Variants in NDFIP1 observed in about 807,000 individuals in gnomAD.
The protein encoded by NDFIP1 is Nedd4 family interacting protein 1.
Under a neutral mutation model 28.8 loss-of-function variants are expected in NDFIP1, and 7 were observed. That is an observed-to-expected ratio of 0.24 (90% CI 0.14 to 0.46). The LOEUF is 0.46. Among genes scored for constraint, NDFIP1 ranks in the 20% least tolerant of loss-of-function variants. The pLI is 0.99. For missense variants in NDFIP1, 194 were observed against 269.1 expected, an observed-to-expected ratio of 0.72 and a Z score of 1.95; for synonymous variants, 92 against 101.0, an observed-to-expected ratio of 0.91 and a Z score of 0.53.
intron 7 of NDFIP1, among the ~76,000 whole-genome samples, chr5:142,150,408 A>G (rs1192906475): frequency 1.3e-5 from 2 of 151,862 alleles, no homozygotes; most frequent in Admixed American, 1.3e-4. Flanking sequence ...ATGTCCTTGT[A>G]TCAGTTTCAG....
chr5:142,108,900 G>C lies in NDFIP1; in HGVS notation c.-75G>C. 1 of 1,288,660 alleles carries C rather than the reference G, an allele frequency of 7.8e-7. No homozygotes were observed. Among genetic ancestry groups the C allele is most frequent in the Non-Finnish European group, 9.9e-7 (1 of 1,005,398 alleles). The allele number at this position is 1,288,660 out of a possible 1,614,324, so 79.8% of individuals were successfully genotyped here. On this transcript the variant is annotated 5_prime_UTR_variant, in exon 1 of 8. Transcript: ENST00000253814. ...GGCGCGTCCCCCTCGGCCTCCCAGC[G>C]CTCCCAAGCCGCAGCGGCCGCGCCC...
At chr5:142,109,734 G>A (rs933363521) in intron 1 of NDFIP1, among the ~76,000 whole-genome samples, 1 of 152,186 alleles carries the variant, frequency 6.6e-6, no homozygotes, top group African/African-American at 2.4e-5. Context: ...GGGAGGAAAT[G>A]TATAGGAAAT....
At chr5:142,121,673 C>T (rs1227671416) in intron 1 of NDFIP1, among the ~76,000 whole-genome samples, 1 of 152,202 alleles carries the variant, frequency 6.6e-6, no homozygotes, top group East Asian at 1.9e-4. Flanking sequence ...ACCTGCTGTT[C>T]TCCTCTCCTG....
At chr5:142,140,971 A>G (rs1302643389) in intron 6 of NDFIP1, among the ~76,000 whole-genome samples, 2 of 152,066 alleles carry the variant, frequency 1.3e-5, no homozygotes, top group African/African-American at 4.8e-5. Flanking sequence ...TCAAACCAGA[A>G]TTGCTTATAC....
intron 1 of NDFIP1, among the ~76,000 whole-genome samples, chr5:142,120,986 G>C (rs1209097995): frequency 6.6e-6 from 1 of 152,202 alleles, no homozygotes; most frequent in African/African-American, 2.4e-5. Context: ...TAATGAGCAA[G>C]CATAGCTTTT....
At position 142,153,195 on chromosome 5, in the gene NDFIP1, C is replaced by G. The variant is rs892682108; in HGVS notation, c.*1467C>G. 2.3e-6 allele frequency: 1 copy of G among 438,034 alleles called. No individual in the cohort carries two copies. The highest frequency in any genetic ancestry group is 4.6e-6 in the Non-Finnish European group (1 of 218,622). The allele number at this position is 438,034 out of a possible 1,614,324, so 27.1% of individuals were successfully genotyped here. A position where few individuals can be genotyped will look rare whatever the true frequency, so the allele number is the denominator to read the frequency against. On this transcript the variant is annotated 3_prime_UTR_variant, in exon 8 of 8. Transcript: ENST00000253814. ...TGAAATTAAAGATTCCTCATTTCTC[C>G]TGATTTCTATTCTTGTCTCAATCTT...
chr5:142,132,324 C>A lies in NDFIP1; in HGVS notation c.264C>A (p.Ile88=), dbSNP rs73287051. 6.1e-4 allele frequency: 977 copies of A among 1,613,848 alleles called. 3 individuals are homozygous for A. The African/African-American group carries it at 0.011, about 18-fold the overall frequency. Residue 88 remains isoleucine, a synonymous_variant, in exon 3 of 8, where the codon ATC becomes ATA. Transcript: ENST00000253814. ...AGAGGACCAAGGCTGAAGCTACTAT[C>A]CCTTTGGTTCCTGGGAGAGTGAGTA... ...EAERTKAEAT[I]PLVPGRDEDF...
At chr5:142,135,612 C>A in intron 3 of NDFIP1, 118 bp from the exon 4 acceptor site, 1 of 745,524 alleles carries the variant, frequency 1.3e-6, no homozygotes, top group Non-Finnish European at 2.3e-6. Context: ...GCCTTTAATG[C>A]TCATAATTTT....
In NDFIP1 at chr5:142,152,987, A is replaced by C. The variant is rs1757463157; in HGVS notation, c.*1259A>C. Reference sequence around the variant, plus strand: ...TTGAACATTGGTTCTGTAAAAGATAATGGACTAAAAAAGTAGAGAGGAGTT... The same window carrying C: ...TTGAACATTGGTTCTGTAAAAGATACTGGACTAAAAAAGTAGAGAGGAGTT... On this transcript the variant is annotated 3_prime_UTR_variant, in exon 8 of 8. Transcript: ENST00000253814. 1 of 290,502 alleles carries C rather than the reference A, an allele frequency of 3.4e-6. No individual in the cohort carries two copies. The highest frequency in any genetic ancestry group is 4.7e-5 in the Admixed American group (1 of 21,208). 18.0% of individuals were successfully genotyped at this position (290,502 alleles called of 1,614,324 possible).
At chr5:142,131,385 G>C (rs1267602644) in intron 1 of NDFIP1, among the ~76,000 whole-genome samples, 1 of 151,676 alleles carries the variant, frequency 6.6e-6, no homozygotes, top group East Asian at 1.9e-4. Flanking sequence ...AACGATTCTT[G>C]TGCCTCAGCC....
At chr5:142,110,434 T>C (rs1757002072) in intron 1 of NDFIP1, among the ~76,000 whole-genome samples, 1 of 152,222 alleles carries the variant, frequency 6.6e-6, no homozygotes, top group African/African-American at 2.4e-5. Context: ...TCATCCTGAC[T>C]TGGATAAGGC....
intron 1 of NDFIP1, among the ~76,000 whole-genome samples, chr5:142,121,202 C>A (rs567511852): frequency 1.3e-5 from 2 of 152,172 alleles, no homozygotes; most frequent in African/African-American, 4.8e-5. Flanking sequence ...ATAAGTTTTC[C>A]TTCATATATA....
chr5:142,143,833 C>T (rs1280275564), intron 6 of NDFIP1: 3 of 152,152 alleles, frequency 2.0e-5, no homozygotes, highest in Non-Finnish European at 4.4e-5. Flanking sequence ...AGACCCCTAT[C>T]TCTACAGAAA....
At chr5:142,128,098 G>A (rs1034971341) in intron 1 of NDFIP1, among the ~76,000 whole-genome samples, 3 of 152,120 alleles carry the variant, frequency 2.0e-5, no homozygotes, top group Non-Finnish European at 2.9e-5. Context: ...ACATCTCTGT[G>A]CACTGAGAGC....
Position 142,112,345 on chromosome 5 carries a change from A to G in NDFIP1, c.63+3308A>G, listed in dbSNP as rs575734270. Among the ~76,000 whole-genome samples the G allele has an allele frequency of 1.2e-4, 18 of 151,956 alleles. No individual in the cohort carries two copies. The South Asian group carries it at 3.3e-3, about 28-fold the overall frequency. On this transcript the variant is annotated intron_variant, in intron 1 of 7. Transcript: ENST00000253814. ...TGTTTCAGTGAACTGAGATCGTGCC[A>G]CTGCACTCCTGCCTGGCGACAGAGC... is the stretch of plus-strand genomic sequence containing the variant.
intron 6 of NDFIP1, chr5:142,142,940 A>ATATATATATAT (rs1554092158): frequency 2.6e-5 from 1 of 38,150 alleles, no homozygotes; most frequent in African/African-American, 1.3e-4. Context: ...AAAAAAAAAA[A>ATATATATATAT]ATATATATAT....
At chr5:142,109,322 C>T (rs1003608959) in intron 1 of NDFIP1, among the ~76,000 whole-genome samples, 9 of 152,204 alleles carry the variant, frequency 5.9e-5, no homozygotes, top group African/African-American at 2.2e-4. Context: ...TCAGAACCCG[C>T]GACCCACAGG....
intron 1 of NDFIP1, among the ~76,000 whole-genome samples, chr5:142,113,401 G>T (rs1404110934): frequency 6.6e-6 from 1 of 152,112 alleles, no homozygotes; most frequent in East Asian, 1.9e-4. Context: ...TTATTTTTCA[G>T]TTTCAAAAGA....
chr5:142,117,728 C>CT (rs10699168), intron 1 of NDFIP1, among the ~76,000 whole-genome samples: 1,541 of 116,072 alleles, frequency 0.013, 89 homozygotes, highest in African/African-American at 0.023. Flanking sequence ...GTTCTACAGG[C>CT]TTTTTTTTTT....
Sources: gnomAD v4.1 joint callset for allele counts (sites outside exome capture counted in the v4.1 genomes callset) on GRCh38, gnomAD v4.1.1 for gene constraint, MANE v1.5 for transcripts, NCBI Gene and HGNC (gene_info 2026-07-23, HGNC 2026-07-21) for gene names.